The following ORC4 variants were observed in gnomAD, a reference collection of about 807,000 sequenced individuals.
The protein encoded by ORC4 is origin recognition complex, subunit 4 homolog.
Under a neutral mutation model 63.9 loss-of-function variants are expected in ORC4, and 55 were observed. That is an observed-to-expected ratio of 0.86 (90% CI 0.69 to 1.08). ORC4 has a LOEUF of 1.08. ORC4 is among the 50% of genes least tolerant of loss of function. The probability of loss-of-function intolerance (pLI) is 0.00; values close to 1 mark genes in which losing one functional copy is unlikely to be tolerated. For missense variants in ORC4, 511 were observed against 504.4 expected (o/e 1.01, Z -0.13); for synonymous variants, 150 against 168.5 (o/e 0.89, Z 0.85).
intron 10 of ORC4, among the ~76,000 whole-genome samples, chr2:147,940,801 G>A (rs1688326669): frequency 6.6e-6 from 1 of 152,038 alleles, no homozygotes; most frequent in African/African-American, 2.4e-5. Context: ...ATGATATGTG[G>A]GAGCTAAGCT....
At chr2:147,953,780 G>C (rs1689101540) in intron 7 of ORC4, among the ~76,000 whole-genome samples, 1 of 152,000 alleles carries the variant, frequency 6.6e-6, no homozygotes, top group African/African-American at 2.4e-5. Context: ...TAGGCTTAAC[G>C]CCTTTATATT....
rs867074197 is a variant in ORC4 at position 147,991,940 on chromosome 2, A to T, written c.-17-15965T>A. On this transcript the variant is annotated intron_variant, in intron 1 of 13. Coordinates refer to ENST00000392857, the MANE Select transcript of ORC4 (RefSeq NM_181741.4). ...GCAGTAGTGTTGATGAATGAATAAA[A>T]AAGAAATACTAGTTGGAGGACTTCT... Among the ~76,000 whole-genome samples, 9 of 152,380 alleles carry T rather than the reference A, an allele frequency of 5.9e-5. 1 individual carries two copies. The South Asian group carries it at 1.9e-3, about 32-fold the overall frequency.
chr2:147,975,873 T>C (rs773369810), intron 2 of ORC4, 29 bp downstream of exon 2: 9 of 1,295,606 alleles, frequency 6.9e-6, no homozygotes, highest in Non-Finnish European at 1.0e-5. Flanking sequence ...GGGTAAAATA[T>C]CTTGAGATTA....
chr2:147,952,141 A>G (rs1368098692), intron 8 of ORC4, among the ~76,000 whole-genome samples: 1 of 152,204 alleles, frequency 6.6e-6, no homozygotes, highest in East Asian at 1.9e-4. Context: ...CTGATTTCAT[A>G]CTTTTTTCTT....
At chr2:147,944,829 T>C (rs1022540726) in intron 9 of ORC4, among the ~76,000 whole-genome samples, 2 of 152,012 alleles carry the variant, frequency 1.3e-5, no homozygotes, top group African/African-American at 4.8e-5. Context: ...TAAAATTTTA[T>C]ACTCTCAGGA....
intron 1 of ORC4, among the ~76,000 whole-genome samples, chr2:147,979,022 G>T (rs548816868): frequency 6.6e-6 from 1 of 152,114 alleles, no homozygotes; most frequent in East Asian, 1.9e-4. Context: ...AAGGTAAAAA[G>T]TTGGAAGCTT....
chr2:147,966,216 G>C (rs1293752269), intron 4 of ORC4, among the ~76,000 whole-genome samples: 1 of 151,822 alleles, frequency 6.6e-6, no homozygotes. Flanking sequence ...CACAGCAAAA[G>C]CAGAATTAAG....
In ORC4 at chr2:147,934,769, T is replaced by C. The variant is rs1687950526; in HGVS notation, c.*741A>G. On this transcript the variant is annotated 3_prime_UTR_variant, in exon 14 of 14. Coordinates refer to ENST00000392857, the MANE Select transcript of ORC4 (RefSeq NM_181741.4). ...ACATAGAAAAGGTACAGTAAAAATA[T>C]GGTATAATCTTATGAGACCACCCTT... 2 of 152,174 alleles carry C rather than the reference T, an allele frequency of 1.3e-5. No homozygotes were observed. Among genetic ancestry groups the C allele is most frequent in the South Asian group, 2.1e-4 (1 of 4,828 alleles). The allele number at this position is 152,174 out of a possible 1,614,324, so 9.4% of individuals were successfully genotyped here. A position where few individuals can be genotyped will look rare whatever the true frequency, so the allele number is the denominator to read the frequency against.
chr2:147,953,441 A>C (rs1286221189), intron 7 of ORC4, among the ~76,000 whole-genome samples: 1 of 152,200 alleles, frequency 6.6e-6, no homozygotes, highest in African/African-American at 2.4e-5. Flanking sequence ...ATGATTATAA[A>C]ATTGACAGAG....
intron 1 of ORC4, among the ~76,000 whole-genome samples, chr2:148,008,305 T>C (rs560089656): frequency 1.3e-5 from 2 of 152,280 alleles, no homozygotes; most frequent in East Asian, 1.9e-4. Context: ...GACAAACCTA[T>C]ATTGTTAGAA....
chr2:147,976,358 C>T (rs1690556610), intron 1 of ORC4, among the ~76,000 whole-genome samples: 1 of 152,162 alleles, frequency 6.6e-6, no homozygotes, highest in Non-Finnish European at 1.5e-5. Context: ...ATTTTTTAGA[C>T]ATGCTACTAC....
At chr2:148,017,021 T>C (rs537948789) in intron 1 of ORC4, among the ~76,000 whole-genome samples, 1 of 152,332 alleles carries the variant, frequency 6.6e-6, no homozygotes, top group Non-Finnish European at 1.5e-5. Flanking sequence ...CATCAGAATG[T>C]CTGCATTATG....
upstream of ORC4, chr2:148,021,284 G>T (rs17218767): frequency 2.7e-6 from 1 of 364,628 alleles, no homozygotes; most frequent in Non-Finnish European, 5.4e-6. Flanking sequence ...CCTGAGAGGG[G>T]GATTGAGCCT....
At chr2:147,984,683 T>A (rs766673517) in intron 1 of ORC4, among the ~76,000 whole-genome samples, 1 of 152,250 alleles carries the variant, frequency 6.6e-6, no homozygotes, top group South Asian at 2.1e-4. Flanking sequence ...ACAAAAATTA[T>A]AGGAATTGTA....
chr2:147,961,476 C>A (rs1279279229), intron 4 of ORC4, among the ~76,000 whole-genome samples: 1 of 151,526 alleles, frequency 6.6e-6, no homozygotes, highest in African/African-American at 2.4e-5. Flanking sequence ...AAAAATTATA[C>A]TATCGAGAGT....
intron 10 of ORC4, among the ~76,000 whole-genome samples, chr2:147,943,140 C>T (rs902584461): frequency 5.3e-5 from 8 of 152,112 alleles, no homozygotes; most frequent in African/African-American, 1.7e-4. Context: ...GATATGAACC[C>T]TATTCAGAGA....
chr2:147,947,279 C>G (rs960588051), intron 9 of ORC4, among the ~76,000 whole-genome samples: 3 of 151,896 alleles, frequency 2.0e-5, no homozygotes, highest in Admixed American at 1.3e-4. Flanking sequence ...TCCACTCTCA[C>G]GAGGCCAATA....
intron 1 of ORC4, among the ~76,000 whole-genome samples, chr2:148,018,995 G>T (rs1161067806): frequency 6.6e-6 from 1 of 151,894 alleles, no homozygotes; most frequent in Non-Finnish European, 1.5e-5. Flanking sequence ...TAAATGTATG[G>T]AAAAAGACAC....
Position 147,933,090 on chromosome 2 carries a change from A to G in ORC4, c.*2420T>C, listed in dbSNP as rs1687856340. 6.6e-6 allele frequency: 1 copy of G among 152,076 alleles called. No homozygotes were observed. The highest frequency in any genetic ancestry group is 1.9e-4 in the East Asian group (1 of 5,174). The allele number at this position is 152,076 out of a possible 1,614,324, so 9.4% of individuals were successfully genotyped here. A position where few individuals can be genotyped will look rare whatever the true frequency, so the allele number is the denominator to read the frequency against. On this transcript the variant is annotated 3_prime_UTR_variant, in exon 14 of 14. Transcript: ENST00000392857. ...ACTTGGATCCCTTGGATTCAGATGT[A>G]AAAACACACTGAAATATTCCTCCTT...
Sources: allele counts gnomAD v4.1 joint callset (sites outside exome capture counted in the v4.1 genomes callset), GRCh38; gene constraint gnomAD v4.1.1; transcripts MANE v1.5; gene names NCBI Gene and HGNC (gene_info 2026-07-23, HGNC 2026-07-21).